Variants in DACT1 observed in about 807,000 individuals in gnomAD.
The protein encoded by DACT1 is dapper homolog 1.
A neutral mutation model predicts 35.3 loss-of-function variants in DACT1; 19 were observed. That is an observed-to-expected ratio of 0.54 (90% CI 0.38 to 0.79). The LOEUF is 0.79. Ranked by LOEUF, DACT1 falls within the 30% of genes least tolerant of loss-of-function variation. DACT1 has a pLI of 0.00. For synonymous variants in DACT1, 545 were observed against 466.7 expected, an observed-to-expected ratio of 1.17 and a Z score of -2.16; for missense variants, 1,143 against 1,057.5, an observed-to-expected ratio of 1.08 and a Z score of -1.12.
At chr14:58,637,576 G>A (rs1017261513), upstream of DACT1, among the ~76,000 whole-genome samples, 5 of 152,200 alleles carry the variant, frequency 3.3e-5, no homozygotes, top group Non-Finnish European at 7.3e-5. Context: ...GTTTCAGAAA[G>A]TTCTCCGGAG....
In DACT1 at chr14:58,645,467, A is replaced by G. The variant is rs201587878; in HGVS notation, c.733A>G (p.Met245Val). The change falls in exon 4 of 4, where the codon ATG becomes GTG. Residue 245 changes from methionine (M) to valine (V), a missense_variant. Coordinates refer to ENST00000395153, the MANE Select transcript of DACT1 (RefSeq NM_001079520.2). ...PLHAVAVQSP[M>V]FLLCLTGNPL... is the part of the protein sequence containing the mutation. ...TCATGCTGTGGCTGTGCAGAGCCCA[A>G]TGTTTCTCCTTTGTCTGACGGGCAA... 3.8e-5 allele frequency: 62 copies of G among 1,614,076 alleles called. No individual in the cohort carries two copies. Among genetic ancestry groups the G allele is most frequent in the Admixed American group, 1.2e-4 (7 of 60,002 alleles).
chr14:58,639,079 C>G (rs1245004762), intron 1 of DACT1: 1 of 985,428 alleles, frequency 1.0e-6, no homozygotes, highest in Non-Finnish European at 1.2e-6. Flanking sequence ...GAGCTCTCCC[C>G]AGCATGCCAG....
chr14:58,644,874 A>G (rs984211393), intron 3 of DACT1, among the ~76,000 whole-genome samples: 3 of 152,228 alleles, frequency 2.0e-5, no homozygotes, highest in African/African-American at 7.2e-5. Flanking sequence ...CTGAAATACT[A>G]CTACTAGAAT....
chr14:58,638,695 C>G (rs773576064), intron 1 of DACT1, 148 bp downstream of exon 1: 2 of 1,197,044 alleles, frequency 1.7e-6, no homozygotes, highest in East Asian at 3.2e-5. Flanking sequence ...CCTCCCTGAT[C>G]CCCTTCCTGA....
rs199783863 is a variant in DACT1, at chr14:58,646,739, C to A, written c.2005C>A (p.Pro669Thr). Residue 669 changes from proline to threonine, a missense_variant, in exon 4 of 4, where the codon CCC (proline) becomes ACC (threonine). Around this residue, in one of 3 missense-constraint regions of DACT1, gnomAD observed 1,054 missense variants for 958.8 expected, o/e 1.10. Coordinates refer to ENST00000395153, the MANE Select transcript of DACT1 (RefSeq NM_001079520.2). ...TCGCCGGGAGAATGTGGGGCTGTACCCCGCGCCTGTGCCTCTGCCCTACGC... is the reference window on the plus strand; with the variant it reads ...TCGCCGGGAGAATGTGGGGCTGTACACCGCGCCTGTGCCTCTGCCCTACGC... ...RGRRENVGLYPAPVPLPYASP... is the reference protein window; with the variant it reads ...RGRRENVGLYTAPVPLPYASP... 2 of 1,613,838 alleles carry A rather than the reference C, an allele frequency of 1.2e-6. No individual in the cohort carries two copies. Among genetic ancestry groups the A allele is most frequent in the East Asian group, 4.5e-5 (2 of 44,868 alleles).
rs1454740388 is a variant in DACT1, at chr14:58,640,959, T to C, written c.478+91T>C. 4.9e-6 allele frequency: 7 copies of C among 1,435,002 alleles called. No homozygotes were observed. The South Asian group carries it at 7.3e-5, about 15-fold the overall frequency. 88.9% of individuals were successfully genotyped at this position (1,435,002 alleles called of 1,614,324 possible). ...ACATTCCCAGACCTGCAAATGGCAA[T>C]GGAGTTTGTTTCCAGTGCAGAGAGG... is the stretch of plus-strand genomic sequence containing the variant. On this transcript the variant is annotated intron_variant, in intron 2 of 3. Transcript: ENST00000395153.
chr14:58,647,729 C>T lies in DACT1; in HGVS notation c.*595C>T, dbSNP rs17833004. On this transcript the variant is annotated 3_prime_UTR_variant, in exon 4 of 4. Transcript: ENST00000395153. Reference sequence around the variant, plus strand: ...ACCTTAAATCCAGAGATAGCAGCCTCGATAGGGACCTTAAAAGGATTCACA... The same window carrying T: ...ACCTTAAATCCAGAGATAGCAGCCTTGATAGGGACCTTAAAAGGATTCACA... 12,705 of 167,448 alleles carry T rather than the reference C, an allele frequency of 0.076. 547 individuals are homozygous for T. The highest frequency in any genetic ancestry group is 0.097 in the Non-Finnish European group (6,624 of 68,384). The allele number at this position is 167,448 out of a possible 1,614,324, so 10.4% of individuals were successfully genotyped here.
chr14:58,647,332 T>C lies in DACT1; in HGVS notation c.*198T>C, dbSNP rs1354028081. ...TAATGGAAGGTAAAGAATGTTTTGC[T>C]AGTTAGAAGTACATATTGAGGTTTT... On this transcript the variant is annotated 3_prime_UTR_variant, in exon 4 of 4. Coordinates refer to ENST00000395153, the MANE Select transcript of DACT1 (RefSeq NM_001079520.2). 3.1e-6 allele frequency: 2 copies of C among 653,360 alleles called. No homozygotes were observed. Among genetic ancestry groups the C allele is most frequent in the African/African-American group, 3.7e-5 (2 of 53,972 alleles). 40.5% of individuals were successfully genotyped at this position (653,360 alleles called of 1,614,324 possible). A position where few individuals can be genotyped will look rare whatever the true frequency, so the allele number is the denominator to read the frequency against.
At position 58,638,235 on chromosome 14, in the gene DACT1, G is replaced by A. The variant is rs1326633758; in HGVS notation, c.33G>A (p.Glu11=). The A allele has an allele frequency of 3.7e-6, 5 of 1,363,944 alleles. No individual in the cohort carries two copies. Among genetic ancestry groups the A allele is most frequent in the Non-Finnish European group, 4.7e-6 (5 of 1,059,230 alleles). The allele number at this position is 1,363,944 out of a possible 1,614,324, so 84.5% of individuals were successfully genotyped here. Residue 11 remains glutamate, a synonymous_variant, in exon 1 of 4, where the codon GAG becomes GAA. Coordinates refer to ENST00000395153, the MANE Select transcript of DACT1 (RefSeq NM_001079520.2). Reference sequence around the variant, plus strand: ...CGAGTCCGGCCGGGACGGCGAAGGAGCTGGAGCCTCCGGCGCCGGCCCGAG... The same window carrying A: ...CGAGTCCGGCCGGGACGGCGAAGGAACTGGAGCCTCCGGCGCCGGCCCGAG... The part of the protein sequence containing the change: MKPSPAGTAK[E]LEPPAPARGE...
At chr14:58,635,277 A>G (rs1220724921), upstream of DACT1, among the ~76,000 whole-genome samples, 1 of 152,188 alleles carries the variant, frequency 6.6e-6, no homozygotes, top group Non-Finnish European at 1.5e-5. Flanking sequence ...ACAAAGAATC[A>G]AAGAGGAAAG....
At position 58,646,493 on chromosome 14, in the gene DACT1, C is replaced by G; in HGVS notation, c.1759C>G (p.Leu587Val). 6.4e-7 allele frequency: 1 copy of G among 1,563,048 alleles called. No homozygotes were observed. Among genetic ancestry groups the G allele is most frequent in the Non-Finnish European group, 8.6e-7 (1 of 1,159,290 alleles). Reference protein sequence around the residue: ...FPDDLDTNKKLKKASSKGRKS... With the variant: ...FPDDLDTNKKVKKASSKGRKS... The stretch of plus-strand genomic sequence containing the variant: ...AGATGACTTGGATACAAATAAGAAA[C>G]TCAAGAAAGCCTCCTCCAAGGGGAG... The change falls in exon 4 of 4, where the codon CTC (leucine) becomes GTC (valine). Residue 587 changes from leucine to valine, a missense_variant. This residue lies in a region of DACT1 where 1,054 missense variants were observed against 958.8 expected (regional missense o/e 1.10). Transcript: ENST00000395153.
At position 58,638,495 on chromosome 14, in the gene DACT1, G is replaced by A. The variant is rs770591746; in HGVS notation, c.293G>A (p.Arg98His). 5 of 1,359,036 alleles carry A rather than the reference G, an allele frequency of 3.7e-6. No individual in the cohort carries two copies. The highest frequency in any genetic ancestry group is 2.3e-5 in the South Asian group (1 of 43,458). 84.2% of individuals were successfully genotyped at this position (1,359,036 alleles called of 1,614,324 possible). A position where few individuals can be genotyped will look rare whatever the true frequency, so the allele number is the denominator to read the frequency against. ...ELLGEAAQRSRLEEKFLEENI... is the reference protein window; with the variant it reads ...ELLGEAAQRSHLEEKFLEENI... ...CTGGGGGAGGCGGCGCAGCGCAGTCGCCTGGAGGAGAAGTTCTTGGAGGAG... is the reference window on the plus strand; with the variant it reads ...CTGGGGGAGGCGGCGCAGCGCAGTCACCTGGAGGAGAAGTTCTTGGAGGAG... The change falls in exon 1 of 4, where the codon CGC (arginine) becomes CAC (histidine). Residue 98 changes from arginine (R) to histidine (H), a missense_variant. By Grantham distance (29) the Arg-to-His change is conservative (BLOSUM62 0). Transcript: ENST00000395153.
chr14:58,644,389 GTTT>G (rs1427847647), intron 3 of DACT1, among the ~76,000 whole-genome samples: 1 of 152,000 alleles, frequency 6.6e-6, no homozygotes, highest in Admixed American at 6.6e-5. Context: ...TATTAAAAAA[GTTT>G]TTTTAAATTA....
chr14:58,646,665 C>T lies in DACT1; in HGVS notation c.1931C>T (p.Ser644Phe). 1.2e-6 allele frequency: 2 copies of T among 1,612,204 alleles called. No individual in the cohort carries two copies. Among genetic ancestry groups the T allele is most frequent in the African/African-American group, 1.3e-5 (1 of 75,042 alleles). The change falls in exon 4 of 4, where the codon TCC becomes TTC. Residue 644 changes from serine (S) to phenylalanine (F), a missense_variant. Physicochemically the swap from Ser to Phe is radical, Grantham distance 155. Around this residue, in one of 3 missense-constraint regions of DACT1, gnomAD observed 1,054 missense variants for 958.8 expected, o/e 1.10. Coordinates refer to ENST00000395153, the MANE Select transcript of DACT1 (RefSeq NM_001079520.2). The part of the protein sequence containing the change: ...HKRTDYRRWK[S>F]SAEISYEEAL... ...CGAACTGACTACCGGCGGTGGAAGT[C>T]CTCGGCCGAGATTTCCTACGAAGAG...
chr14:58,636,421 G>C (rs1449653660), upstream of DACT1, among the ~76,000 whole-genome samples: 4 of 152,200 alleles, frequency 2.6e-5, no homozygotes, highest in Non-Finnish European at 4.4e-5. Flanking sequence ...TATTAAAACA[G>C]TCCCTGCCTT....
chr14:58,634,160 T>A (rs779736988), upstream of DACT1: 30 of 152,226 alleles, frequency 2.0e-4, no homozygotes, highest in Admixed American at 4.6e-4. Flanking sequence ...AAAACCTCTT[T>A]AACAGCACTA....
rs2047691772 is a variant in DACT1 at position 58,646,736 on chromosome 14, T to G, written c.2002T>G (p.Tyr668Asp). The change falls in exon 4 of 4, where the codon TAC (tyrosine) becomes GAC (aspartate). Residue 668 changes from tyrosine to aspartate, a missense_variant. Coordinates refer to ENST00000395153, the MANE Select transcript of DACT1 (RefSeq NM_001079520.2). The stretch of plus-strand genomic sequence containing the variant: ...CGGTCGCCGGGAGAATGTGGGGCTG[T>G]ACCCCGCGCCTGTGCCTCTGCCCTA... ...RRGRRENVGL[Y>D]PAPVPLPYAS... 7 of 1,613,678 alleles carry G rather than the reference T, an allele frequency of 4.3e-6. No individual in the cohort carries two copies. Among genetic ancestry groups the G allele is most frequent in the African/African-American group, 1.3e-5 (1 of 74,922 alleles).
chr14:58,643,664 T>C (rs1472418446), intron 3 of DACT1, among the ~76,000 whole-genome samples: 1 of 152,218 alleles, frequency 6.6e-6, no homozygotes, highest in Non-Finnish European at 1.5e-5. Flanking sequence ...CCCGTGCTCT[T>C]CCAAATGCCA....
At chr14:58,637,600 C>A (rs986845794), upstream of DACT1, among the ~76,000 whole-genome samples, 1 of 152,224 alleles carries the variant, frequency 6.6e-6, no homozygotes, top group Non-Finnish European at 1.5e-5. Flanking sequence ...CCAACTGCCG[C>A]GTCCCGTCGC....
Sources: gnomAD v4.1 joint callset for allele counts (sites outside exome capture counted in the v4.1 genomes callset) on GRCh38, gnomAD v4.1.1 for gene constraint, gnomAD v4.1.1 regional missense constraint, MANE v1.5 for transcripts, NCBI Gene and HGNC (gene_info 2026-07-23, HGNC 2026-07-21) for gene names.